The following ME1 variants were observed in gnomAD, a reference collection of about 807,000 sequenced individuals.
The protein encoded by ME1 is malic enzyme 1.
Under a neutral mutation model 66.4 loss-of-function variants are expected in ME1, and 74 were observed. The observed-to-expected ratio is 1.11, with a 90% confidence interval of 0.92 to 1.35. The LOEUF (loss-of-function observed/expected upper bound fraction) is 1.35, where lower values mean the gene tolerates loss of function less well. ME1 is among the 40% of genes most tolerant of loss of function. The pLI is 0.00. For missense variants in ME1, 750 were observed against 694.1 expected (o/e 1.08, Z -0.90); for synonymous variants, 251 against 235.6 (o/e 1.07, Z -0.60).
intron 6 of ME1, among the ~76,000 whole-genome samples, chr6:83,309,846 C>T (rs1583372015): frequency 6.6e-6 from 1 of 152,144 alleles, no homozygotes; most frequent in South Asian, 2.1e-4. Context: ...AAGGAACAAT[C>T]AGTGAGGCAG....
intron 6 of ME1, among the ~76,000 whole-genome samples, chr6:83,260,824 T>A (rs964282178): frequency 2.6e-5 from 4 of 152,196 alleles, no homozygotes; most frequent in African/African-American, 9.7e-5. Context: ...CCATGGTGTA[T>A]CAGTACCACA....
At chr6:83,291,762 A>C (rs1211411236) in intron 6 of ME1, among the ~76,000 whole-genome samples, 2 of 151,974 alleles carry the variant, frequency 1.3e-5, no homozygotes, top group African/African-American at 4.8e-5. Context: ...ACACCAGTCA[A>C]ATGTAGATTT....
At position 83,253,750 on chromosome 6, in the gene ME1, A is replaced by G. The variant is rs187206207; in HGVS notation, c.705-12T>C. On this transcript the variant is annotated splice_polypyrimidine_tract_variant and intron_variant, in intron 6 of 13. Transcript: ENST00000369705. The stretch of plus-strand genomic sequence containing the variant: ...AATTCATGCCATACCTATGGGACAA[A>G]AACATTCATATTAGAAGAGGTTAAT... 146 of 1,335,056 alleles carry G rather than the reference A, an allele frequency of 1.1e-4. No homozygotes were observed. In the African/African-American group the frequency reaches 1.8e-3, roughly 16 times the overall value. 82.7% of individuals were successfully genotyped at this position (1,335,056 alleles called of 1,614,324 possible).
Position 83,372,900 on chromosome 6 carries a change from T to C in ME1, c.363-20761A>G, listed in dbSNP as rs1769217027. ...CCAGCTATTCACAATGGTTATGCTA[T>C]GTCCACCGGAAAGAAAGAAATATTC... On this transcript the variant is annotated intron_variant, in intron 3 of 13. Transcript: ENST00000369705. Among the ~76,000 whole-genome samples the C allele has an allele frequency of 2.0e-5, 3 of 152,352 alleles. No individual in the cohort carries two copies. The South Asian group carries it at 6.2e-4, about 32-fold the overall frequency.
At chr6:83,328,878 G>C (rs1768352090) in intron 5 of ME1, among the ~76,000 whole-genome samples, 1 of 152,004 alleles carries the variant, frequency 6.6e-6, no homozygotes, top group South Asian at 2.1e-4. Flanking sequence ...TGGGGCAAAA[G>C]TAAGGAATAA....
chr6:83,322,869 T>C (rs983533680), intron 5 of ME1, among the ~76,000 whole-genome samples: 2 of 152,078 alleles, frequency 1.3e-5, no homozygotes, highest in African/African-American at 4.8e-5. Flanking sequence ...TCCACCATCG[T>C]TGAAATGAAG....
intron 2 of ME1, among the ~76,000 whole-genome samples, chr6:83,398,973 C>T (rs535159277): frequency 6.6e-6 from 1 of 151,948 alleles, no homozygotes; most frequent in Non-Finnish European, 1.5e-5. Context: ...CCACCACACC[C>T]GGCTTATTTT....
At chr6:83,321,557 C>T (rs1205953059) in intron 5 of ME1, among the ~76,000 whole-genome samples, 5 of 152,096 alleles carry the variant, frequency 3.3e-5, no homozygotes, top group Non-Finnish European at 7.3e-5. Flanking sequence ...GGGTGAAGCC[C>T]ACCACAGCAC....
intron 7 of ME1, among the ~76,000 whole-genome samples, chr6:83,251,842 A>G (rs1790730473): frequency 6.6e-6 from 1 of 152,220 alleles, no homozygotes; most frequent in South Asian, 2.1e-4. Flanking sequence ...ATGAAAATCC[A>G]TCAAATTATT....
chr6:83,315,500 C>CA lies in ME1; in HGVS notation c.601-88dup. On this transcript the variant is annotated intron_variant, in intron 5 of 13. Coordinates refer to ENST00000369705, the MANE Select transcript of ME1 (RefSeq NM_002395.6). ...AGTTTCTTCATCTGTATAAAAGGGA[C>CA]AAAAATAGAAATAAAATCTTACCAT... The CA allele has an allele frequency of 6.6e-6, 5 of 755,016 alleles. No homozygotes were observed. The South Asian group carries it at 8.6e-5, about 13-fold the overall frequency. The allele number at this position is 755,016 out of a possible 1,614,324, so 46.8% of individuals were successfully genotyped here.
At chr6:83,413,985 C>T (rs781464697) in intron 1 of ME1, among the ~76,000 whole-genome samples, 3 of 151,698 alleles carry the variant, frequency 2.0e-5, no homozygotes, top group Non-Finnish European at 4.4e-5. Context: ...GTGGTGCATG[C>T]CTGTGGTCCC....
chr6:83,344,282 T>G (rs922807733), intron 5 of ME1, among the ~76,000 whole-genome samples: 1 of 135,922 alleles, frequency 7.4e-6, no homozygotes, highest in Admixed American at 8.5e-5. Context: ...CAACATCCTA[T>G]CTCTTACAAA....
At chr6:83,288,370 T>C (rs977785001) in intron 6 of ME1, among the ~76,000 whole-genome samples, 1 of 152,196 alleles carries the variant, frequency 6.6e-6, no homozygotes, top group Non-Finnish European at 1.5e-5. Flanking sequence ...GTTTTCTGCA[T>C]ATGGCTACCC....
At chr6:83,312,763 AT>A (rs1767955093) in intron 6 of ME1, among the ~76,000 whole-genome samples, 1 of 150,894 alleles carries the variant, frequency 6.6e-6, no homozygotes, top group Admixed American at 6.6e-5. Flanking sequence ...TTTTTTTTTA[AT>A]TTTTTTAAGA....
chr6:83,262,320 C>CT (rs1766914502), intron 6 of ME1, among the ~76,000 whole-genome samples: 2 of 152,096 alleles, frequency 1.3e-5, no homozygotes, highest in African/African-American at 2.4e-5. Flanking sequence ...CCACTGTATT[C>CT]TCCTATTTCT....
intron 5 of ME1, among the ~76,000 whole-genome samples, chr6:83,324,195 G>C (rs771818482): frequency 5.3e-5 from 8 of 151,934 alleles, no homozygotes; most frequent in Admixed American, 6.6e-5. Flanking sequence ...GCAGTATTTA[G>C]AGGGAAATTT....
At chr6:83,283,251 A>C (rs796154804) in intron 6 of ME1, among the ~76,000 whole-genome samples, 3 of 141,706 alleles carry the variant, frequency 2.1e-5, no homozygotes, top group Admixed American at 7.1e-5. Context: ...AAAAAAAATG[A>C]TGAGTTCATG....
At position 83,365,654 on chromosome 6, in the gene ME1, G is replaced by A. The variant is rs1226363999; in HGVS notation, c.363-13515C>T. 7.9e-5 allele frequency among the ~76,000 whole-genome samples: 12 copies of A among 152,318 alleles called. No individual in the cohort carries two copies. The South Asian group carries it at 1.2e-3, about 16-fold the overall frequency. ...ATGGGAGGATCACTTGAGGCCAGGA[G>A]TTCCTTACTAGCTATACTTCGATTC... On this transcript the variant is annotated intron_variant, in intron 3 of 13. Transcript: ENST00000369705.
chr6:83,271,430 A>G (rs1411841724), intron 6 of ME1, among the ~76,000 whole-genome samples: 2 of 152,142 alleles, frequency 1.3e-5, no homozygotes, highest in Admixed American at 1.3e-4. Flanking sequence ...GGTTTTTTGA[A>G]ATTTGGCAAT....
Sources: allele counts gnomAD v4.1 joint callset (sites outside exome capture counted in the v4.1 genomes callset), GRCh38; gene constraint gnomAD v4.1.1; transcripts MANE v1.5; gene names NCBI Gene and HGNC (gene_info 2026-07-23, HGNC 2026-07-21).